Variants in CEP128 observed in about 807,000 individuals in gnomAD.
The protein encoded by CEP128 is centrosomal protein 128kDa.
CEP128 carries 132 observed loss-of-function variants against 156.7 expected under a neutral mutation model. The ratio of observed to expected loss-of-function variants is 0.84; its 90% CI spans 0.73 to 0.97. The LOEUF is 0.97. Among genes scored for constraint, CEP128 ranks in the 50% least tolerant of loss-of-function variants. The pLI is 0.00. For synonymous variants in CEP128, 469 were observed against 448.9 expected (o/e 1.04, Z -0.57); for missense variants, 1,252 against 1,281.9 (o/e 0.98, Z 0.36).
At chr14:80,650,832 T>A (rs771044969) in intron 19 of CEP128, among the ~76,000 whole-genome samples, 2 of 152,066 alleles carry the variant, frequency 1.3e-5, no homozygotes, top group Non-Finnish European at 2.9e-5. Context: ...GTATTTTATT[T>A]AGGATTTTCT....
At chr14:80,723,199 G>A (rs1417182545) in intron 19 of CEP128, among the ~76,000 whole-genome samples, 1 of 152,094 alleles carries the variant, frequency 6.6e-6, no homozygotes, top group African/African-American at 2.4e-5. Flanking sequence ...CAGTCCCCAT[G>A]TAATATAAAA....
intron 8 of CEP128, among the ~76,000 whole-genome samples, chr14:80,882,269 C>T (rs1334348916): frequency 1.3e-5 from 2 of 151,762 alleles, no homozygotes; most frequent in African/African-American, 2.4e-5. Flanking sequence ...AAAAATAGCT[C>T]AATAGACATT....
At chr14:80,812,672 G>A (rs1392771015) in intron 13 of CEP128, among the ~76,000 whole-genome samples, 2 of 152,120 alleles carry the variant, frequency 1.3e-5, no homozygotes, top group African/African-American at 2.4e-5. Context: ...GGGTTCAAGC[G>A]ATTCTCCTGC....
At position 80,651,346 on chromosome 14, in the gene CEP128, G is replaced by C. The variant is rs189457955; in HGVS notation, c.2807-70923C>G. 1.5e-3 allele frequency among the ~76,000 whole-genome samples: 234 copies of C among 151,934 alleles called. 1 individual carries two copies. Among genetic ancestry groups the C allele is most frequent in the African/African-American group, 5.4e-3 (224 of 41,474 alleles). The stretch of plus-strand genomic sequence containing the variant: ...ATCTGGCTAGCAGTCTATCAATTTT[G>C]GTGATCTTTTCAAAAAACCAGCTCC... On this transcript the variant is annotated intron_variant, in intron 19 of 24. Coordinates refer to ENST00000555265, the MANE Select transcript of CEP128 (RefSeq NM_152446.5).
chr14:80,544,407 G>A (rs1308054089), intron 21 of CEP128, among the ~76,000 whole-genome samples: 1 of 152,180 alleles, frequency 6.6e-6, no homozygotes, highest in South Asian at 2.1e-4. Flanking sequence ...TGTGTCTGGT[G>A]AGGACCTGCT....
intron 21 of CEP128, among the ~76,000 whole-genome samples, chr14:80,552,736 G>C (rs557413579): frequency 6.6e-6 from 1 of 152,012 alleles, no homozygotes; most frequent in African/African-American, 2.4e-5. Flanking sequence ...CCCTTCTTTT[G>C]TCCCTTTTAA....
intron 19 of CEP128, among the ~76,000 whole-genome samples, chr14:80,692,222 T>C (rs879838971): frequency 2.6e-5 from 4 of 152,140 alleles, no homozygotes; most frequent in Non-Finnish European, 5.9e-5. Flanking sequence ...TAAGAGTTGG[T>C]GGAGTGAGCA....
chr14:80,743,209 A>T lies in CEP128; in HGVS notation c.2672T>A (p.Leu891Gln). Residue 891 changes from leucine to glutamine, a missense_variant, in exon 19 of 25, where the codon CTG (leucine) becomes CAG (glutamine). Physicochemically the swap from Leu to Gln is moderately radical, Grantham distance 113. Coordinates refer to ENST00000555265, the MANE Select transcript of CEP128 (RefSeq NM_152446.5). The stretch of plus-strand genomic sequence containing the variant: ...TCTGCAGAGCATCAGCTGGTGTCGC[A>T]GATTTTTCTCTCTGTTTTCTCTCTC... ...LKERENREKN[L>Q]RHQLMLCRQQ... The T allele has an allele frequency of 6.2e-7, 1 of 1,613,752 alleles. No individual in the cohort carries two copies. The highest frequency in any genetic ancestry group is 8.5e-7 in the Non-Finnish European group (1 of 1,179,856).
At chr14:80,880,510 T>A (rs920789647) in intron 8 of CEP128, among the ~76,000 whole-genome samples, 1 of 151,978 alleles carries the variant, frequency 6.6e-6, no homozygotes, top group Non-Finnish European at 1.5e-5. Flanking sequence ...TGCATCCAAT[T>A]TGAAAAGAAG....
At chr14:80,796,677 T>C (rs1051868788) in intron 13 of CEP128, among the ~76,000 whole-genome samples, 1 of 152,180 alleles carries the variant, frequency 6.6e-6, no homozygotes, top group Non-Finnish European at 1.5e-5. Flanking sequence ...TCCAGTATTA[T>C]GCATCATCCC....
intron 19 of CEP128, among the ~76,000 whole-genome samples, chr14:80,674,864 T>C (rs1895997630): frequency 1.3e-5 from 2 of 152,192 alleles, no homozygotes; most frequent in South Asian, 2.1e-4. Context: ...AACCCATACA[T>C]CTTGCTCCAA....
rs573816684 is a variant in CEP128, at chr14:80,604,122, C to A, written c.2807-23699G>T. 4.6e-5 allele frequency among the ~76,000 whole-genome samples: 7 copies of A among 152,260 alleles called. No homozygotes were observed. In the East Asian group the frequency reaches 1.4e-3, roughly 29 times the overall value. On this transcript the variant is annotated intron_variant, in intron 19 of 24. Transcript: ENST00000555265. Reference sequence around the variant, plus strand: ...TCCCCCAAATTATTATAACAGCATCCTGTTGGTGTTTCCTACCAATGTTTC... The same window carrying A: ...TCCCCCAAATTATTATAACAGCATCATGTTGGTGTTTCCTACCAATGTTTC...
intron 13 of CEP128, among the ~76,000 whole-genome samples, chr14:80,822,079 C>T (rs1885218174): frequency 6.6e-6 from 1 of 152,162 alleles, no homozygotes; most frequent in East Asian, 1.9e-4. Flanking sequence ...CCTCCCACAA[C>T]ACATGGGGAT....
intron 19 of CEP128, among the ~76,000 whole-genome samples, chr14:80,647,888 A>G (rs1894731751): frequency 6.6e-6 from 1 of 152,128 alleles, no homozygotes; most frequent in Non-Finnish European, 1.5e-5. Context: ...GGGAGATATT[A>G]TGCCTGATCA....
chr14:80,486,963 TC>T (rs1214090163), downstream of CEP128, among the ~76,000 whole-genome samples: 1 of 152,062 alleles, frequency 6.6e-6, no homozygotes, highest in Non-Finnish European at 1.5e-5. Context: ...AGAAACTGCA[TC>T]AACTAACGAG....
At chr14:80,613,688 C>T (rs1009001890) in intron 19 of CEP128, among the ~76,000 whole-genome samples, 1 of 152,038 alleles carries the variant, frequency 6.6e-6, no homozygotes, top group Non-Finnish European at 1.5e-5. Flanking sequence ...GCCTTTTCCC[C>T]ATCTCCCTAT....
intron 19 of CEP128, among the ~76,000 whole-genome samples, chr14:80,739,137 G>A (rs1275362456): frequency 6.6e-6 from 1 of 152,022 alleles, no homozygotes; most frequent in Non-Finnish European, 1.5e-5. Context: ...TCCTTTCTTT[G>A]AGCATATACA....
intron 19 of CEP128, among the ~76,000 whole-genome samples, chr14:80,656,275 TTATTTATATATATA>T (rs1435356028): frequency 3.1e-4 from 14 of 44,548 alleles, no homozygotes; most frequent in East Asian, 6.3e-4. Flanking sequence ...ACCTAAGTTT[TTATTTATATATATA>T]TTTATATATA....
chr14:80,909,779 T>G (rs759132945), intron 4 of CEP128, among the ~76,000 whole-genome samples: 3 of 152,116 alleles, frequency 2.0e-5, no homozygotes, highest in Admixed American at 6.5e-5. Context: ...TGGAGCCAAT[T>G]TGATAACTCC....
Sources: allele counts gnomAD v4.1 joint callset (sites outside exome capture counted in the v4.1 genomes callset), GRCh38; gene constraint gnomAD v4.1.1; transcripts MANE v1.5; gene names NCBI Gene and HGNC (gene_info 2026-07-23, HGNC 2026-07-21).